Variants in TINAG observed in about 807,000 individuals in gnomAD.
TINAG encodes the protein tubulointerstitial nephritis antigen.
In TINAG, 83 loss-of-function variants were observed where a neutral mutation model predicts 72.7. That is an observed-to-expected ratio of 1.14 (90% CI 0.96 to 1.37). The LOEUF (loss-of-function observed/expected upper bound fraction) is 1.37. TINAG is among the 40% of genes most tolerant of loss of function. TINAG has a pLI of 0.00. For missense variants in TINAG, 685 were observed against 576.6 expected (o/e 1.19, Z -1.93); for synonymous variants, 234 against 189.9 (o/e 1.23, Z -1.91).
chr6:54,330,657 G>T (rs966174920), intron 4 of TINAG, among the ~76,000 whole-genome samples: 1 of 152,150 alleles, frequency 6.6e-6, no homozygotes, highest in South Asian at 2.1e-4. Flanking sequence ...AAACATCAAT[G>T]AATGCAGGAG....
intron 9 of TINAG, among the ~76,000 whole-genome samples, chr6:54,357,456 T>A (rs187121467): frequency 6.6e-6 from 1 of 151,914 alleles, no homozygotes; most frequent in East Asian, 1.9e-4. Flanking sequence ...CCTGGATACC[T>A]TATTAGGGAG....
At chr6:54,334,784 T>C (rs906659) in intron 4 of TINAG, among the ~76,000 whole-genome samples, 17,932 of 152,166 alleles carry the variant, frequency 0.12, 1,234 homozygotes, top group African/African-American at 0.17. Context: ...AATATAGCGT[T>C]GGCCAATTCA....
At chr6:54,321,898 G>T (rs1784499107) in intron 3 of TINAG, among the ~76,000 whole-genome samples, 1 of 152,168 alleles carries the variant, frequency 6.6e-6, no homozygotes, top group Non-Finnish European at 1.5e-5. Flanking sequence ...ACTTTACTTT[G>T]CTAGTACACA....
At chr6:54,376,645 T>C (rs1468139480) in intron 9 of TINAG, among the ~76,000 whole-genome samples, 3 of 152,190 alleles carry the variant, frequency 2.0e-5, no homozygotes. Flanking sequence ...GTGTTTAGCA[T>C]AGTTATCTAA....
intron 5 of TINAG, among the ~76,000 whole-genome samples, chr6:54,346,658 C>T (rs1449697069): frequency 1.3e-5 from 2 of 151,658 alleles, no homozygotes; most frequent in South Asian, 4.1e-4. Context: ...AATATATTCA[C>T]TTCGTTTTAT....
At chr6:54,383,328 T>C (rs939891952) in intron 10 of TINAG, among the ~76,000 whole-genome samples, 2 of 152,164 alleles carry the variant, frequency 1.3e-5, no homozygotes, top group African/African-American at 2.4e-5. Flanking sequence ...TATATATGGA[T>C]GTTTCAAAGC....
In TINAG at chr6:54,385,136, TAAATG is replaced by T. The variant is rs1764062532; in HGVS notation, c.1296+4569_1296+4573del. Among the ~76,000 whole-genome samples, 5 of 151,264 alleles carry T rather than the reference TAAATG, an allele frequency of 3.3e-5. No homozygotes were observed. In the South Asian group the frequency reaches 1.0e-3, roughly 32 times the overall value. ...TAAGCTGAAAAATTTAAACCGAAGATAAATGAAAGAAATAATAAACAGAAAAGCAA... is the reference window on the plus strand; with the variant it reads ...TAAGCTGAAAAATTTAAACCGAAGATAAAGAAATAATAAACAGAAAAGCAA... On this transcript the variant is annotated intron_variant, in intron 10 of 10. Coordinates refer to ENST00000259782, the MANE Select transcript of TINAG (RefSeq NM_014464.4).
At chr6:54,350,625 T>A (rs1040515994) in intron 7 of TINAG, among the ~76,000 whole-genome samples, 1 of 148,666 alleles carries the variant, frequency 6.7e-6, no homozygotes. Context: ...ATAATTCCTC[T>A]GATGCAAATG....
intron 9 of TINAG, among the ~76,000 whole-genome samples, chr6:54,376,578 C>A (rs1763788951): frequency 6.6e-6 from 1 of 152,110 alleles, no homozygotes; most frequent in African/African-American, 2.4e-5. Flanking sequence ...GCAAATTATT[C>A]TGTTCCAATA....
At chr6:54,353,082 A>G (rs1353863012) in intron 8 of TINAG, among the ~76,000 whole-genome samples, 1 of 151,826 alleles carries the variant, frequency 6.6e-6, no homozygotes, top group Non-Finnish European at 1.5e-5. Flanking sequence ...TGTAACTTAT[A>G]TAGTTATATA....
intron 4 of TINAG, among the ~76,000 whole-genome samples, chr6:54,341,897 A>G (rs1785004995): frequency 6.6e-6 from 1 of 152,206 alleles, no homozygotes; most frequent in African/African-American, 2.4e-5. Context: ...GGGACTCAAC[A>G]TGTCTTTTAA....
chr6:54,333,331 G>T (rs1259259669), intron 4 of TINAG, among the ~76,000 whole-genome samples: 1 of 152,110 alleles, frequency 6.6e-6, no homozygotes, highest in Non-Finnish European at 1.5e-5. Context: ...CATGGATGAA[G>T]CTGGAAACCA....
At chr6:54,320,552 T>A in intron 1 of TINAG, 27 bp from the exon 2 acceptor site, 3 of 1,573,184 alleles carry the variant, frequency 1.9e-6, no homozygotes, top group Non-Finnish European at 2.6e-6. Flanking sequence ...TTTAGCATTT[T>A]CATTTCTTTA....
intron 10 of TINAG, among the ~76,000 whole-genome samples, chr6:54,389,096 T>A (rs184267600): frequency 2.2e-4 from 33 of 152,278 alleles, no homozygotes; most frequent in African/African-American, 7.2e-4. Context: ...TCCAGCCTCA[T>A]AACCTACCAT....
intron 8 of TINAG, among the ~76,000 whole-genome samples, chr6:54,353,431 C>T (rs908902373): frequency 1.3e-5 from 2 of 151,834 alleles, no homozygotes; most frequent in African/African-American, 4.8e-5. Context: ...CAATAGAACC[C>T]TGAATGAATA....
chr6:54,348,236 G>C lies in TINAG; in HGVS notation c.899+719G>C, dbSNP rs538371565. 1.5e-4 allele frequency among the ~76,000 whole-genome samples: 23 copies of C among 152,128 alleles called. No homozygotes were observed. In the South Asian group the frequency reaches 4.8e-3, roughly 32 times the overall value. ...AAAATAGTGTATGTCAGATTTTGAT[G>C]GGTTGCAATAAATTGCTTTAAATTT... On this transcript the variant is annotated intron_variant, in intron 6 of 10. Transcript: ENST00000259782.
intron 1 of TINAG, among the ~76,000 whole-genome samples, chr6:54,317,025 A>C (rs767276055): frequency 6.6e-6 from 1 of 152,082 alleles, no homozygotes; most frequent in Non-Finnish European, 1.5e-5. Context: ...GTGTGTAACC[A>C]ATTAATTAAC....
At chr6:54,321,071 T>A (rs1462862611) in intron 2 of TINAG, among the ~76,000 whole-genome samples, 4 of 152,188 alleles carry the variant, frequency 2.6e-5, no homozygotes. Flanking sequence ...CTTCAGCAGA[T>A]GTGTGATCAT....
intron 9 of TINAG, among the ~76,000 whole-genome samples, chr6:54,361,190 A>T (rs2150967565): frequency 6.6e-6 from 1 of 151,440 alleles, no homozygotes. Context: ...CTATTCCCTT[A>T]GACACAACAA....
Sources: allele counts gnomAD v4.1 joint callset (sites outside exome capture counted in the v4.1 genomes callset), GRCh38; gene constraint gnomAD v4.1.1; transcripts MANE v1.5; gene names NCBI Gene and HGNC (gene_info 2026-07-23, HGNC 2026-07-21).